The following HKDC1 variants were observed in gnomAD, a reference collection of about 807,000 sequenced individuals.
HKDC1 encodes hexokinase domain containing 1, also known as hexokinase HKDC1.
HKDC1 carries 66 observed loss-of-function variants against 96.6 expected under a neutral mutation model. The ratio of observed to expected loss-of-function variants is 0.68; its 90% CI spans 0.56 to 0.84. The LOEUF is 0.84. Among genes scored for constraint, HKDC1 ranks in the 40% least tolerant of loss-of-function variants. HKDC1 has a pLI of 0.00. For synonymous variants in HKDC1, 466 were observed against 473.1 expected (o/e 0.98, Z 0.20); for missense variants, 1,211 against 1,208.1 (o/e 1.00, Z -0.04).
At chr10:69,228,658 A>T (rs1027382097) in intron 2 of HKDC1, among the ~76,000 whole-genome samples, 2 of 152,070 alleles carry the variant, frequency 1.3e-5, no homozygotes, top group African/African-American at 4.8e-5. Context: ...TTGAGGTCAG[A>T]TGCTCGAGAC....
chr10:69,236,856 A>G (rs994005313), intron 4 of HKDC1, among the ~76,000 whole-genome samples: 1 of 152,182 alleles, frequency 6.6e-6, no homozygotes, highest in African/African-American at 2.4e-5. Flanking sequence ...ATATACTTAT[A>G]TTTTATAAAA....
At chr10:69,239,261 G>A (rs1843415678) in intron 5 of HKDC1, 124 bp downstream of exon 5, 2 of 638,724 alleles carry the variant, frequency 3.1e-6, no homozygotes, top group African/African-American at 1.8e-5. Flanking sequence ...AATCAGAGAA[G>A]GAATTGATCT....
chr10:69,261,516 C>G, intron 16 of HKDC1: 1 of 471,450 alleles, frequency 2.1e-6, no homozygotes, highest in Non-Finnish European at 3.8e-6. Flanking sequence ...CTGCTGTCCC[C>G]ATCCTCAGGC....
intron 7 of HKDC1, among the ~76,000 whole-genome samples, chr10:69,243,716 T>C (rs1375100360): frequency 6.6e-6 from 1 of 152,014 alleles, no homozygotes; most frequent in Non-Finnish European, 1.5e-5. Context: ...AGGCTGGTTT[T>C]GCACTCCTGA....
chr10:69,227,734 C>T (rs1271232482), intron 2 of HKDC1, among the ~76,000 whole-genome samples: 1 of 152,182 alleles, frequency 6.6e-6, no homozygotes, highest in Non-Finnish European at 1.5e-5. Flanking sequence ...GGGCACTTGT[C>T]ACTTTGCTGT....
In HKDC1 at chr10:69,233,062, G is replaced by T. The variant is rs555319606; in HGVS notation, c.424G>T (p.Asp142Tyr). 1.9e-6 allele frequency: 3 copies of T among 1,614,164 alleles called. No homozygotes were observed. Among genetic ancestry groups the T allele is most frequent in the East Asian group, 4.5e-5 (2 of 44,882 alleles). The change falls in exon 4 of 18, where the codon GAT becomes TAT. Residue 142 changes from aspartate to tyrosine, a missense_variant. Transcript: ENST00000354624. ...DCLADFMKTK[D>Y]LKHKKLPLGL... ...TCTGGCAGATTTCATGAAGACCAAAGATTTAAAGCATAAGAAATTGCCCCT... is the reference window on the plus strand; with the variant it reads ...TCTGGCAGATTTCATGAAGACCAAATATTTAAAGCATAAGAAATTGCCCCT...
chr10:69,220,369 A>G lies in HKDC1; in HGVS notation c.-67A>G. 7.9e-7 allele frequency: 1 copy of G among 1,258,980 alleles called. No individual in the cohort carries two copies. The highest frequency in any genetic ancestry group is 1.5e-5 in the African/African-American group (1 of 65,598). 78.0% of individuals were successfully genotyped at this position (1,258,980 alleles called of 1,614,324 possible). A position where few individuals can be genotyped will look rare whatever the true frequency, so the allele number is the denominator to read the frequency against. On this transcript the variant is annotated 5_prime_UTR_variant, in exon 1 of 18. Transcript: ENST00000354624. ...CTGGACTGGAAGCGTGCAACACTCC[A>G]GAGTCGTAGGAGTGAACACTGCACA...
intron 16 of HKDC1, among the ~76,000 whole-genome samples, chr10:69,265,146 A>AG (rs1396724973): frequency 6.6e-6 from 1 of 152,180 alleles, no homozygotes; most frequent in Non-Finnish European, 1.5e-5. Flanking sequence ...CTCCAATTGA[A>AG]GGGGGCCAGA....
At position 69,246,182 on chromosome 10, in the gene HKDC1, G is replaced by T; in HGVS notation, c.979G>T (p.Ala327Ser). 1 of 1,614,220 alleles carries T rather than the reference G, an allele frequency of 6.2e-7. No homozygotes were observed. Reference sequence around the variant, plus strand: ...CCTGTTTGGTGGTGAGAAATCTTCTGCTCTCCACACTAAGGGCAAGATCGA... The same window carrying T: ...CCTGTTTGGTGGTGAGAAATCTTCTTCTCTCCACACTAAGGGCAAGATCGA... Reference protein sequence around the residue: ...GLLFGGEKSSALHTKGKIETR... With the variant: ...GLLFGGEKSSSLHTKGKIETR... The change falls in exon 8 of 18, where the codon GCT (alanine) becomes TCT (serine). Residue 327 changes from alanine to serine, a missense_variant. Physicochemically the swap from Ala to Ser is moderately conservative, Grantham distance 99. Coordinates refer to ENST00000354624, the MANE Select transcript of HKDC1 (RefSeq NM_025130.4).
At chr10:69,249,978 A>G (rs2132362032) in intron 10 of HKDC1, among the ~76,000 whole-genome samples, 1 of 152,256 alleles carries the variant, frequency 6.6e-6, no homozygotes, top group Middle Eastern at 3.4e-3. Flanking sequence ...ATAAAAAGCC[A>G]TTTCTCAGAA....
chr10:69,232,965 T>TG, intron 3 of HKDC1, 49 bp from the exon 4 acceptor site: 1 of 1,612,504 alleles, frequency 6.2e-7, no homozygotes, highest in South Asian at 1.1e-5. Flanking sequence ...CATCCGTGTG[T>TG]GGGGAAACCA....
chr10:69,249,786 A>T (rs1304322849), intron 10 of HKDC1, among the ~76,000 whole-genome samples: 2 of 152,196 alleles, frequency 1.3e-5, no homozygotes, highest in Admixed American at 1.3e-4. Flanking sequence ...GGCGTGAGCC[A>T]CCGCGCCAGA....
chr10:69,246,350 G>T lies in HKDC1; in HGVS notation c.1031+116G>T, dbSNP rs947870074. 13 of 1,161,136 alleles carry T rather than the reference G, an allele frequency of 1.1e-5. No individual in the cohort carries two copies. In the Admixed American group the frequency reaches 2.7e-4, roughly 24 times the overall value. The allele number at this position is 1,161,136 out of a possible 1,614,324, so 71.9% of individuals were successfully genotyped here. ...CTAGATCCTCCTCCTTCACCAGGAA[G>T]ATTTCAGACCTGGGCATGGCTTCAG... On this transcript the variant is annotated intron_variant, in intron 8 of 17. Coordinates refer to ENST00000354624, the MANE Select transcript of HKDC1 (RefSeq NM_025130.4).
intron 4 of HKDC1, among the ~76,000 whole-genome samples, chr10:69,238,400 C>T (rs1473010931): frequency 1.7e-4 from 4 of 23,582 alleles, no homozygotes; most frequent in African/African-American, 3.2e-4. Flanking sequence ...GACGGAGTCT[C>T]GCTCTGTCGC....
chr10:69,255,560 G>GGCTAGAC (rs1843706397), intron 12 of HKDC1, among the ~76,000 whole-genome samples: 2 of 152,170 alleles, frequency 1.3e-5, no homozygotes, highest in Non-Finnish European at 2.9e-5. Flanking sequence ...TGGAGTGCGA[G>GGCTAGAC]GCTAGACTAA....
chr10:69,240,617 C>A, intron 5 of HKDC1, 35 bp from the exon 6 acceptor site: 1 of 1,572,542 alleles, frequency 6.4e-7, no homozygotes, highest in South Asian at 1.1e-5. Context: ...ACCTCCTTCC[C>A]ACCCGCTGAT....
At chr10:69,257,695 A>G (rs1232295924) in intron 14 of HKDC1, among the ~76,000 whole-genome samples, 2 of 150,424 alleles carry the variant, frequency 1.3e-5, no homozygotes, top group African/African-American at 5.0e-5. Flanking sequence ...TGGGGGGGGG[A>G]AGGAGACTAC....
intron 17 of HKDC1, 31 bp from the exon 18 acceptor site, chr10:69,266,579 G>A (rs777610581): frequency 4.2e-5 from 67 of 1,609,144 alleles, no homozygotes; most frequent in Middle Eastern, 3.3e-4. Context: ...TACATGGAAG[G>A]GCTGATGATG....
rs547245880 is a variant in HKDC1 at position 69,255,778 on chromosome 10, G to A, written c.1837-1258G>A. Among the ~76,000 whole-genome samples, 113 of 152,040 alleles carry A rather than the reference G, an allele frequency of 7.4e-4. No homozygotes were observed. The South Asian group carries it at 0.02, about 26-fold the overall frequency. ...CTAAAAATACAAAAATTAGCCAGGCGTGGTGGTGTGTGCCTGTAGTCCCAG... is the reference window on the plus strand; with the variant it reads ...CTAAAAATACAAAAATTAGCCAGGCATGGTGGTGTGTGCCTGTAGTCCCAG... On this transcript the variant is annotated intron_variant, in intron 12 of 17. Transcript: ENST00000354624.
Sources: gnomAD v4.1 joint callset for allele counts (sites outside exome capture counted in the v4.1 genomes callset) on GRCh38, gnomAD v4.1.1 for gene constraint, MANE v1.5 for transcripts, NCBI Gene and HGNC (gene_info 2026-07-23, HGNC 2026-07-21) for gene names.